Variants in MEF2C observed in about 807,000 individuals in gnomAD.
The protein encoded by MEF2C is myocyte enhancer factor 2C.
In MEF2C, 6 loss-of-function variants were observed where a neutral mutation model predicts 50.5. The ratio of observed to expected loss-of-function variants is 0.12; its 90% confidence interval spans 0.07 to 0.23. The LOEUF is 0.23. MEF2C is among the 10% of genes least tolerant of loss of function. MEF2C has a pLI of 1.00. For missense variants in MEF2C, 276 were observed against 605.0 expected, an observed-to-expected ratio of 0.46 and a Z score of 5.70; for synonymous variants, 183 against 228.0, an observed-to-expected ratio of 0.80 and a Z score of 1.78.
chr5:88,766,890 A>AT (rs1236761264), intron 3 of MEF2C: 6 of 900,886 alleles, frequency 6.7e-6, no homozygotes, highest in Non-Finnish European at 8.0e-6. Flanking sequence ...ATCCTGAATC[A>AT]TTTTTTTGCT....
At chr5:88,887,050 C>A (rs1052777694), upstream of MEF2C, among the ~76,000 whole-genome samples, 1 of 152,046 alleles carries the variant, frequency 6.6e-6, no homozygotes, top group African/African-American at 2.4e-5. Context: ...CCACAGCAAC[C>A]CACCCTGAGA....
chr5:88,849,295 T>G (rs927286133), intron 1 of MEF2C, among the ~76,000 whole-genome samples: 12 of 152,138 alleles, frequency 7.9e-5, no homozygotes, highest in Admixed American at 5.2e-4. Context: ...CCCTTAAAAT[T>G]CACATATCTA....
At chr5:88,822,510 G>A (rs1808870884) in intron 2 of MEF2C, among the ~76,000 whole-genome samples, 1 of 151,908 alleles carries the variant, frequency 6.6e-6, no homozygotes, top group Non-Finnish European at 1.5e-5. Flanking sequence ...GTGTGTACCT[G>A]AAAATATATA....
At chr5:88,741,547 T>C in intron 6 of MEF2C, 1 of 985,414 alleles carries the variant, frequency 1.0e-6, no homozygotes, top group Non-Finnish European at 1.2e-6. Flanking sequence ...CTGAGTTGCT[T>C]AATATTAGAG....
chr5:88,744,163 A>G, intron 6 of MEF2C: 2 of 983,672 alleles, frequency 2.0e-6, no homozygotes, highest in African/African-American at 3.5e-5. Context: ...AACACAAGGC[A>G]TTGCTCTGCT....
chr5:88,838,397 T>C, intron 1 of MEF2C: 1 of 236,394 alleles, frequency 4.2e-6, no homozygotes, highest in East Asian at 1.8e-4. Flanking sequence ...TTCTACTTTC[T>C]ACAAATGAAT....
At chr5:88,776,437 A>C (rs1047413920) in intron 3 of MEF2C, among the ~76,000 whole-genome samples, 1 of 152,036 alleles carries the variant, frequency 6.6e-6, no homozygotes, top group African/African-American at 2.4e-5. Flanking sequence ...AGCTCTCAAA[A>C]CCTATTCCCT....
intron 2 of MEF2C, chr5:88,817,803 A>G (rs557307451): frequency 9.4e-4 from 143 of 152,092 alleles, no homozygotes; most frequent in African/African-American, 3.3e-3. Context: ...ATTTGGGCTT[A>G]CCTCTCCTAT....
intron 1 of MEF2C, among the ~76,000 whole-genome samples, chr5:88,891,942 T>G (rs1180345769): frequency 6.6e-6 from 1 of 152,204 alleles, no homozygotes; most frequent in Non-Finnish European, 1.5e-5. Flanking sequence ...ACCTTTTAAC[T>G]TAACACTTAG....
chr5:88,834,214 T>C (rs1360377219), intron 1 of MEF2C, among the ~76,000 whole-genome samples: 1 of 152,150 alleles, frequency 6.6e-6, no homozygotes, highest in African/African-American at 2.4e-5. Flanking sequence ...TCAGGTCCTC[T>C]AACAGAATGC....
upstream of MEF2C, among the ~76,000 whole-genome samples, chr5:88,884,935 A>G (rs529006985): frequency 6.6e-6 from 1 of 152,334 alleles, no homozygotes; most frequent in South Asian, 2.1e-4. Flanking sequence ...TCATGAAAAG[A>G]CAAGATTGCA....
intron 3 of MEF2C, among the ~76,000 whole-genome samples, chr5:88,780,445 A>C (rs1180549423): frequency 6.6e-6 from 1 of 152,176 alleles, no homozygotes; most frequent in Non-Finnish European, 1.5e-5. Flanking sequence ...GCTCAGAACA[A>C]ACACCAGTGG....
chr5:88,766,725 A>G (rs542679178), intron 3 of MEF2C: 1 of 985,370 alleles, frequency 1.0e-6, no homozygotes, highest in Non-Finnish European at 1.2e-6. Flanking sequence ...AAGTAATCAC[A>G]CTTTGTTGCA....
chr5:88,855,733 T>C (rs1455151886), intron 1 of MEF2C, among the ~76,000 whole-genome samples: 1 of 152,228 alleles, frequency 6.6e-6, no homozygotes, highest in Non-Finnish European at 1.5e-5. Context: ...CCTGCTGCCC[T>C]GTGAAGAGGT....
intron 2 of MEF2C, chr5:88,817,856 C>G (rs998091072): frequency 6.6e-6 from 1 of 151,892 alleles, no homozygotes; most frequent in Admixed American, 6.6e-5. Context: ...TACAAACATA[C>G]AAGTAAATAG....
chr5:88,837,006 A>AT (rs1307478806), intron 1 of MEF2C, among the ~76,000 whole-genome samples: 3 of 147,158 alleles, frequency 2.0e-5, no homozygotes, highest in Non-Finnish European at 4.6e-5. Context: ...GTTTCTCAAA[A>AT]AAAAAAAAAA....
At chr5:88,735,060 G>A in intron 6 of MEF2C, 2 of 985,268 alleles carry the variant, frequency 2.0e-6, no homozygotes, top group Non-Finnish European at 2.4e-6. Context: ...ACATAATATA[G>A]ATTCAGGAAT....
At position 88,722,705 on chromosome 5, in the gene MEF2C, TC is replaced by T; in HGVS notation, c.1320del (p.Asn441ThrfsTer40). 1 of 1,613,878 alleles carries T rather than the reference TC, an allele frequency of 6.2e-7. No homozygotes were observed. Among genetic ancestry groups the T allele is most frequent in the Non-Finnish European group, 8.5e-7 (1 of 1,179,878 alleles). On this transcript the variant is annotated frameshift_variant, in exon 11 of 11. Transcript: ENST00000504921. LOFTEE classifies it high-confidence loss of function. ...SYDGSDREDH[R>X]NEFHSPIGLT... ...AGTCCAATGGGGGAGTGGAATTCGT[TC>T]CGGTGATCCTCTCGGTCGCTCCCGT...
At chr5:88,812,234 G>A (rs1420889350) in intron 2 of MEF2C, among the ~76,000 whole-genome samples, 1 of 152,034 alleles carries the variant, frequency 6.6e-6, no homozygotes, top group Admixed American at 6.6e-5. Context: ...GCCATCTTTT[G>A]CTCATTCTTG....
Sources: gnomAD v4.1 joint callset for allele counts (sites outside exome capture counted in the v4.1 genomes callset) on GRCh38, gnomAD v4.1.1 for gene constraint, MANE v1.5 for transcripts, NCBI Gene and HGNC (gene_info 2026-07-23, HGNC 2026-07-21) for gene names.